Variants in FBXL5 observed in about 807,000 individuals in gnomAD.
The protein encoded by FBXL5 is F-box and leucine rich repeat protein 5.
In FBXL5, 26 loss-of-function variants were observed where a neutral mutation model predicts 78.3. That is an observed-to-expected ratio of 0.33 (90% CI 0.24 to 0.46). The LOEUF (loss-of-function observed/expected upper bound fraction) is 0.46. Ranked by LOEUF, FBXL5 falls within the 20% of genes least tolerant of loss-of-function variation. The pLI is 1.00. For missense variants in FBXL5, 710 were observed against 829.2 expected, an observed-to-expected ratio of 0.86 and a Z score of 1.77; for synonymous variants, 295 against 282.5, an observed-to-expected ratio of 1.04 and a Z score of -0.45.
chr4:15,626,657 T>C (rs562641742), intron 8 of FBXL5, among the ~76,000 whole-genome samples: 73 of 152,276 alleles, frequency 4.8e-4, no homozygotes, highest in Non-Finnish European at 9.1e-4. Flanking sequence ...AGACAAAATA[T>C]AGGACTACAG....
Position 15,630,872 on chromosome 4 carries a change from A to C in FBXL5, c.767-81T>G, listed in dbSNP as rs939413561. On this transcript the variant is annotated intron_variant, in intron 5 of 10. Transcript: ENST00000341285. Reference sequence around the variant, plus strand: ...TATGAAAAACTAAGCTATTTACGATAAAAATCTCTACAAAGAGAAAACATC... The same window carrying C: ...TATGAAAAACTAAGCTATTTACGATCAAAATCTCTACAAAGAGAAAACATC... The C allele has an allele frequency of 3.1e-5, 48 of 1,540,788 alleles. 1 individual carries two copies. In the Admixed American group the frequency reaches 9.3e-4, roughly 30 times the overall value.
intron 5 of FBXL5, among the ~76,000 whole-genome samples, chr4:15,633,129 G>A (rs1014475386): frequency 2.0e-5 from 3 of 152,282 alleles, no homozygotes; most frequent in South Asian, 2.1e-4. Flanking sequence ...AGGTGGGTTC[G>A]ATTAACGATA....
chr4:15,680,083 TAAG>T (rs1047294540), intron 1 of FBXL5, among the ~76,000 whole-genome samples: 10 of 150,414 alleles, frequency 6.6e-5, no homozygotes, highest in African/African-American at 2.5e-4. Context: ...TGAATACTGA[TAAG>T]GAGGAATATC....
At chr4:15,654,989 C>T (rs1240227336) in intron 1 of FBXL5, among the ~76,000 whole-genome samples, 2 of 151,688 alleles carry the variant, frequency 1.3e-5, no homozygotes, top group Non-Finnish European at 2.9e-5. Flanking sequence ...GCCCCGAGAG[C>T]ACGTCCGAGG....
chr4:15,619,813 TC>T lies in FBXL5; in HGVS notation c.1850+5438del, dbSNP rs1475243990. ...GCCTCAGCAACAAGTAAGACCCAGTTCCCCCCACCCTCCCAAAAAAGTAAAA... is the reference window on the plus strand; with the variant it reads ...GCCTCAGCAACAAGTAAGACCCAGTTCCCCCACCCTCCCAAAAAAGTAAAA... On this transcript the variant is annotated intron_variant, in intron 9 of 10. Coordinates refer to ENST00000341285, the MANE Select transcript of FBXL5 (RefSeq NM_012161.4). Among the ~76,000 whole-genome samples the T allele has an allele frequency of 5.3e-5, 8 of 151,868 alleles. No individual in the cohort carries two copies. The East Asian group carries it at 1.2e-3, about 22-fold the overall frequency.
At position 15,604,580 on chromosome 4, in the gene FBXL5, G is replaced by A. The variant is rs1181000504; in HGVS notation, c.*1143C>T. On this transcript the variant is annotated 3_prime_UTR_variant, in exon 11 of 11. Coordinates refer to ENST00000341285, the MANE Select transcript of FBXL5 (RefSeq NM_012161.4). Reference sequence around the variant, plus strand: ...ATTGGAAACATGGCACCAATAGACTGGCTCAACGCAGAGTTGCCATAAACC... The same window carrying A: ...ATTGGAAACATGGCACCAATAGACTAGCTCAACGCAGAGTTGCCATAAACC... The A allele has an allele frequency of 6.6e-6, 1 of 152,220 alleles. No individual in the cohort carries two copies. Among genetic ancestry groups the A allele is most frequent in the Non-Finnish European group, 1.5e-5 (1 of 68,030 alleles). 9.4% of individuals were successfully genotyped at this position (152,220 alleles called of 1,614,324 possible). A position where few individuals can be genotyped will look rare whatever the true frequency, so the allele number is the denominator to read the frequency against.
At chr4:15,614,921 C>T (rs560298815) in intron 9 of FBXL5, among the ~76,000 whole-genome samples, 2 of 152,138 alleles carry the variant, frequency 1.3e-5, no homozygotes, top group African/African-American at 4.8e-5. Flanking sequence ...GAGGGACAGG[C>T]GCAAGTGGGA....
Position 15,643,550 on chromosome 4 carries a change from C to A in FBXL5, c.300+943G>T, listed in dbSNP as rs931875414. Among the ~76,000 whole-genome samples the A allele has an allele frequency of 3.4e-5, 5 of 148,822 alleles. No homozygotes were observed. The East Asian group carries it at 9.8e-4, about 29-fold the overall frequency. ...CTCCTGCCTCAGCTGGGATTACAGG[C>A]GCCTGCCACTATGTCTGGCTAAATT... On this transcript the variant is annotated intron_variant, in intron 2 of 10. Transcript: ENST00000341285.
At chr4:15,623,432 C>A (rs997201213) in intron 9 of FBXL5, among the ~76,000 whole-genome samples, 26 of 151,444 alleles carry the variant, frequency 1.7e-4, no homozygotes, top group Admixed American at 1.1e-3. Context: ...TTGAAAAAAA[C>A]ACAAAAACTG....
At chr4:15,660,224 C>T (rs4484296), upstream of FBXL5, among the ~76,000 whole-genome samples, 36,639 of 151,852 alleles carry the variant, frequency 0.24, 4,664 homozygotes, top group African/African-American at 0.28. Flanking sequence ...ACTACAGGCC[C>T]GTGCCACCAC....
intron 1 of FBXL5, among the ~76,000 whole-genome samples, chr4:15,654,347 A>G (rs914699766): frequency 2.6e-5 from 4 of 152,232 alleles, no homozygotes; most frequent in African/African-American, 9.6e-5. Flanking sequence ...TGGAATGTTA[A>G]TATTGTTTTA....
In FBXL5 at chr4:15,630,767, G is replaced by A. The variant is rs936761603; in HGVS notation, c.791C>T (p.Thr264Ile). ...ARGDWYSGPATELDTEPDDEW... is the reference protein window; with the variant it reads ...ARGDWYSGPAIELDTEPDDEW... Reference sequence around the variant, plus strand: ...ATCATCAGGTTCAGTATCAAGTTCAGTTGCGGGACCACTATACCAGTCACC... The same window carrying A: ...ATCATCAGGTTCAGTATCAAGTTCAATTGCGGGACCACTATACCAGTCACC... Residue 264 changes from threonine (T) to isoleucine (I), a missense_variant, in exon 6 of 11, where the codon ACT becomes ATT. Physicochemically the swap from Thr to Ile is moderately conservative, Grantham distance 89. Coordinates refer to ENST00000341285, the MANE Select transcript of FBXL5 (RefSeq NM_012161.4). 4 of 1,612,942 alleles carry A rather than the reference G, an allele frequency of 2.5e-6. No homozygotes were observed. The highest frequency in any genetic ancestry group is 2.5e-6 in the Non-Finnish European group (3 of 1,179,640).
intron 9 of FBXL5, among the ~76,000 whole-genome samples, chr4:15,624,455 T>C (rs1030331595): frequency 6.6e-6 from 1 of 152,070 alleles, no homozygotes; most frequent in Admixed American, 6.5e-5. Flanking sequence ...CAGTGCACCA[T>C]GGTATTTTCT....
chr4:15,617,846 T>A (rs543080006), intron 9 of FBXL5, among the ~76,000 whole-genome samples: 1 of 152,154 alleles, frequency 6.6e-6, no homozygotes, highest in Non-Finnish European at 1.5e-5. Flanking sequence ...TCAGGAAGAA[T>A]AGCTAGTAAA....
chr4:15,651,232 G>A (rs1716003259), intron 1 of FBXL5, among the ~76,000 whole-genome samples: 2 of 152,070 alleles, frequency 1.3e-5, no homozygotes, highest in African/African-American at 4.8e-5. Context: ...AAACTGTTTT[G>A]CATAAAATCA....
intron 9 of FBXL5, among the ~76,000 whole-genome samples, chr4:15,615,250 T>C (rs1041868688): frequency 6.6e-6 from 1 of 152,080 alleles, no homozygotes; most frequent in African/African-American, 2.4e-5. Flanking sequence ...CACTACCCCC[T>C]GCTCCACGGC....
rs1279333195 is a variant in FBXL5 at position 15,605,604 on chromosome 4, G to C, written c.*119C>G. 1.4e-6 allele frequency: 1 copy of C among 723,010 alleles called. No individual in the cohort carries two copies. Among genetic ancestry groups the C allele is most frequent in the Non-Finnish European group, 2.3e-6 (1 of 427,100 alleles). The allele number at this position is 723,010 out of a possible 1,614,324, so 44.8% of individuals were successfully genotyped here. On this transcript the variant is annotated 3_prime_UTR_variant, in exon 11 of 11. Coordinates refer to ENST00000341285, the MANE Select transcript of FBXL5 (RefSeq NM_012161.4). ...AAGATTTCTGAAGTTGTAAGAAATG[G>C]GGCCAAAACAAGTCACGCTCAAAAA...
At chr4:15,669,720 T>C (rs921739404) in intron 1 of FBXL5, among the ~76,000 whole-genome samples, 2 of 152,222 alleles carry the variant, frequency 1.3e-5, no homozygotes, top group African/African-American at 4.8e-5. Context: ...TATTAAATAC[T>C]CAATACTAGT....
At chr4:15,635,135 C>T (rs1016809379) in intron 5 of FBXL5, among the ~76,000 whole-genome samples, 2 of 151,892 alleles carry the variant, frequency 1.3e-5, no homozygotes, top group Non-Finnish European at 2.9e-5. Context: ...AGTTCAAGAC[C>T]AGCCTGACCA....
Sources: gnomAD v4.1 joint callset for allele counts (sites outside exome capture counted in the v4.1 genomes callset) on GRCh38, gnomAD v4.1.1 for gene constraint, MANE v1.5 for transcripts, NCBI Gene and HGNC (gene_info 2026-07-23, HGNC 2026-07-21) for gene names.